Variants in ZFPM2 observed in about 807,000 individuals in gnomAD.
The protein encoded by ZFPM2 is zinc finger protein ZFPM2.
ZFPM2 carries 20 observed loss-of-function variants against 98.6 expected under a neutral mutation model. The observed-to-expected ratio is 0.20, with a 90% CI of 0.14 to 0.29. The LOEUF (loss-of-function observed/expected upper bound fraction) is 0.29. Among genes scored for constraint, ZFPM2 ranks in the 10% least tolerant of loss-of-function variants. ZFPM2 has a pLI of 1.00. For missense variants in ZFPM2, 1,310 were observed against 1,388.6 expected, an observed-to-expected ratio of 0.94 and a Z score of 0.90; for synonymous variants, 518 against 502.7, an observed-to-expected ratio of 1.03 and a Z score of -0.41.
chr8:105,413,042 G>A (rs1048780431), intron 1 of ZFPM2, among the ~76,000 whole-genome samples: 4 of 151,846 alleles, frequency 2.6e-5, no homozygotes, highest in African/African-American at 9.7e-5. Flanking sequence ...CTGGGATTTA[G>A]CTTTTTAATT....
chr8:105,694,461 A>C (rs571868274), intron 5 of ZFPM2, among the ~76,000 whole-genome samples: 66 of 152,300 alleles, frequency 4.3e-4, no homozygotes, highest in Admixed American at 1.8e-3. Flanking sequence ...TACCATAAAA[A>C]TATCGAGCAA....
chr8:105,354,419 T>A (rs1231070634), intron 1 of ZFPM2, among the ~76,000 whole-genome samples: 1 of 152,240 alleles, frequency 6.6e-6, no homozygotes, highest in Non-Finnish European at 1.5e-5. Flanking sequence ...AAAAATGTTC[T>A]GTTTAAACAT....
intron 5 of ZFPM2, among the ~76,000 whole-genome samples, chr8:105,747,074 A>T (rs1812366130): frequency 6.6e-6 from 1 of 152,114 alleles, no homozygotes. Context: ...ACAAGGAAAT[A>T]TAATGGTTTT....
intron 3 of ZFPM2, among the ~76,000 whole-genome samples, chr8:105,494,183 G>GTGTA (rs1491126096): frequency 1.7e-5 from 1 of 59,980 alleles, no homozygotes; most frequent in Non-Finnish European, 3.3e-5. Flanking sequence ...GCCACCAAAA[G>GTGTA]TATATATATA....
chr8:105,781,681 A>G (rs1302535504), intron 5 of ZFPM2, among the ~76,000 whole-genome samples: 2 of 152,166 alleles, frequency 1.3e-5, no homozygotes, highest in South Asian at 2.1e-4. Flanking sequence ...GGTGACTGCC[A>G]CTGCACTCCA....
rs530942788 is a variant in ZFPM2 at position 105,586,855 on chromosome 8, T to C, written c.420+25374T>C. On this transcript the variant is annotated intron_variant, in intron 4 of 7. Transcript: ENST00000407775. ...TATTTATATATAAATATTTTATATATATATATATATTCTTTTGAGCAGACA... is the reference window on the plus strand; with the variant it reads ...TATTTATATATAAATATTTTATATACATATATATATTCTTTTGAGCAGACA... Among the ~76,000 whole-genome samples, 3 of 148,928 alleles carry C rather than the reference T, an allele frequency of 2.0e-5. No individual in the cohort carries two copies. In the South Asian group the frequency reaches 6.3e-4, roughly 31 times the overall value.
chr8:105,731,492 T>C (rs749449138), intron 5 of ZFPM2, among the ~76,000 whole-genome samples: 4 of 151,692 alleles, frequency 2.6e-5, no homozygotes, highest in Non-Finnish European at 4.4e-5. Context: ...TTGTGTTACA[T>C]AGAAGTTAGG....
At chr8:105,562,682 G>A (rs979535436) in intron 4 of ZFPM2, among the ~76,000 whole-genome samples, 8 of 152,098 alleles carry the variant, frequency 5.3e-5, no homozygotes, top group Non-Finnish European at 7.4e-5. Context: ...TCTTTCGCAC[G>A]TCCACATTCC....
intron 7 of ZFPM2, among the ~76,000 whole-genome samples, chr8:105,800,570 A>G (rs1328369988): frequency 3.3e-5 from 5 of 152,146 alleles, no homozygotes; most frequent in African/African-American, 9.7e-5. Context: ...TGGCCTCTTT[A>G]GAATATAACC....
At chr8:105,470,899 T>C (rs1563674246) in intron 3 of ZFPM2, among the ~76,000 whole-genome samples, 1 of 152,250 alleles carries the variant, frequency 6.6e-6, no homozygotes, top group African/African-American at 2.4e-5. Context: ...TAAAAATTAC[T>C]AAATTCAAAA....
At chr8:105,380,744 A>G (rs1810852667) in intron 1 of ZFPM2, among the ~76,000 whole-genome samples, 1 of 42,518 alleles carries the variant, frequency 2.4e-5, no homozygotes. Flanking sequence ...TATTATATAT[A>G]TATGTTATAT....
At chr8:105,472,983 A>G (rs1262965713) in intron 3 of ZFPM2, among the ~76,000 whole-genome samples, 3 of 149,690 alleles carry the variant, frequency 2.0e-5, no homozygotes, top group Non-Finnish European at 4.4e-5. Flanking sequence ...ACAGCCTGGA[A>G]CCCTGGGCTA....
chr8:105,358,292 C>T (rs147284620), intron 1 of ZFPM2, among the ~76,000 whole-genome samples: 2,764 of 150,508 alleles, frequency 0.018, 34 homozygotes, highest in Middle Eastern at 0.061. Context: ...CTTGCTCTGT[C>T]GCCCAGGCTG....
chr8:105,751,136 C>A (rs1413150009), intron 5 of ZFPM2, among the ~76,000 whole-genome samples: 5 of 152,076 alleles, frequency 3.3e-5, no homozygotes. Flanking sequence ...TCACACCATG[C>A]AGACTACTTT....
chr8:105,575,356 C>A (rs1196246505), intron 4 of ZFPM2, among the ~76,000 whole-genome samples: 1 of 152,092 alleles, frequency 6.6e-6, no homozygotes, highest in East Asian at 1.9e-4. Context: ...ATTGTTGTAG[C>A]CCCTGTCAGA....
intron 1 of ZFPM2, among the ~76,000 whole-genome samples, chr8:105,346,085 A>T (rs1191125774): frequency 1.3e-5 from 2 of 152,138 alleles, no homozygotes; most frequent in African/African-American, 4.8e-5. Context: ...AAGTAGATAA[A>T]TGGATAGATT....
intron 5 of ZFPM2, among the ~76,000 whole-genome samples, chr8:105,726,145 G>A (rs1384709240): frequency 4.0e-5 from 6 of 151,632 alleles, no homozygotes; most frequent in Admixed American, 3.9e-4. Flanking sequence ...CGAAATGCTG[G>A]CAGTAGGCTG....
rs1036072437 is a variant in ZFPM2 at position 105,583,687 on chromosome 8, G to T, written c.420+22206G>T. Among the ~76,000 whole-genome samples the T allele has an allele frequency of 2.6e-5, 4 of 152,180 alleles. No homozygotes were observed. In the South Asian group the frequency reaches 8.3e-4, roughly 31 times the overall value. ...AGGTGCCAATGGCAGTAAAACCATG[G>T]AAGATTAGCACACTTCTTTTGATGA... On this transcript the variant is annotated intron_variant, in intron 4 of 7. Transcript: ENST00000407775.
chr8:105,346,830 C>T (rs76898896), intron 1 of ZFPM2, among the ~76,000 whole-genome samples: 403 of 152,190 alleles, frequency 2.6e-3, no homozygotes, highest in Middle Eastern at 0.01. Context: ...TGCAAAATGA[C>T]AGGATCCAAC....
Sources: gnomAD v4.1 joint callset for allele counts (sites outside exome capture counted in the v4.1 genomes callset) on GRCh38, gnomAD v4.1.1 for gene constraint, MANE v1.5 for transcripts, NCBI Gene and HGNC (gene_info 2026-07-23, HGNC 2026-07-21) for gene names.